The following CTIF variants were observed in gnomAD, a reference collection of about 807,000 sequenced individuals.
CTIF encodes the protein CBP80/20-dependent translation initiation factor.
Under a neutral mutation model 66.0 loss-of-function variants are expected in CTIF, and 21 were observed. That is an observed-to-expected ratio of 0.32 (90% CI 0.23 to 0.46). CTIF has a LOEUF of 0.46. Among genes scored for constraint, CTIF ranks in the 20% least tolerant of loss-of-function variants. The probability of loss-of-function intolerance (pLI) is 1.00; values close to 1 mark genes in which losing one functional copy is unlikely to be tolerated. For missense variants in CTIF, 739 were observed against 812.7 expected, an observed-to-expected ratio of 0.91 and a Z score of 1.10; for synonymous variants, 345 against 326.4, an observed-to-expected ratio of 1.06 and a Z score of -0.62.
intron 1 of CTIF, chr18:48,564,940 T>C (rs1180129176): frequency 6.6e-6 from 1 of 152,166 alleles, no homozygotes; most frequent in East Asian, 1.9e-4. Flanking sequence ...AACAACTTAA[T>C]GTTATTGAAA....
At chr18:48,707,309 G>A (rs2092169117) in intron 6 of CTIF, among the ~76,000 whole-genome samples, 1 of 152,204 alleles carries the variant, frequency 6.6e-6, no homozygotes, top group Non-Finnish European at 1.5e-5. Flanking sequence ...TCTAAAGCCA[G>A]AATACTATCT....
chr18:48,551,469 C>A (rs1243475526), intron 1 of CTIF, among the ~76,000 whole-genome samples: 2 of 152,164 alleles, frequency 1.3e-5, no homozygotes, highest in Non-Finnish European at 1.5e-5. Flanking sequence ...CTGTTGCTTT[C>A]AGCCACCTGA....
chr18:48,770,889 T>TG (rs1307280687), intron 9 of CTIF, among the ~76,000 whole-genome samples: 2 of 152,194 alleles, frequency 1.3e-5, no homozygotes, highest in Admixed American at 6.5e-5. Context: ...TCCATCAGTG[T>TG]GGGTGCCCTG....
At chr18:48,567,758 G>A (rs964158746) in intron 1 of CTIF, 1 of 152,268 alleles carries the variant, frequency 6.6e-6, no homozygotes, top group African/African-American at 2.4e-5. Flanking sequence ...CAGTGGGGTT[G>A]GCAATGAGGG....
intron 9 of CTIF, among the ~76,000 whole-genome samples, chr18:48,768,293 A>T (rs1265961346): frequency 6.6e-6 from 1 of 152,098 alleles, no homozygotes; most frequent in Non-Finnish European, 1.5e-5. Flanking sequence ...ATCCTGGCTG[A>T]GTTATCGGCT....
At chr18:48,721,755 C>CT (rs1196225465) in intron 7 of CTIF, among the ~76,000 whole-genome samples, 507 of 152,016 alleles carry the variant, frequency 3.3e-3, no homozygotes, top group African/African-American at 0.012. Context: ...GTGCATCCCC[C>CT]CCTCTCTGTC....
intron 1 of CTIF, among the ~76,000 whole-genome samples, chr18:48,571,432 A>G (rs1263438143): frequency 6.6e-6 from 1 of 152,226 alleles, no homozygotes; most frequent in East Asian, 1.9e-4. Flanking sequence ...TTGGGATTAC[A>G]GGCGTGAGCC....
chr18:48,781,969 A>G (rs984777274), intron 9 of CTIF, among the ~76,000 whole-genome samples: 1 of 152,152 alleles, frequency 6.6e-6, no homozygotes, highest in Non-Finnish European at 1.5e-5. Flanking sequence ...AAAGAGTTGT[A>G]CTGATTCAAA....
At chr18:48,824,789 C>T (rs773806442) in intron 10 of CTIF, among the ~76,000 whole-genome samples, 11 of 152,092 alleles carry the variant, frequency 7.2e-5, no homozygotes, top group Non-Finnish European at 1.0e-4. Context: ...TACAGACGTC[C>T]GCCACCACGC....
chr18:48,603,151 T>TGGATGGAG (rs2090128958), intron 1 of CTIF, among the ~76,000 whole-genome samples: 1 of 143,014 alleles, frequency 7.0e-6, no homozygotes, highest in African/African-American at 2.7e-5. Context: ...GATGGATGGA[T>TGGATGGAG]GGATGGATGG....
At chr18:48,695,438 T>C (rs1303321693) in intron 6 of CTIF, among the ~76,000 whole-genome samples, 11 of 152,208 alleles carry the variant, frequency 7.2e-5, no homozygotes, top group Admixed American at 7.2e-4. Context: ...CCGTCAGTGC[T>C]GGGTCTCATG....
At position 48,860,581 on chromosome 18, in the gene CTIF, A is replaced by G. The variant is rs1432052150; in HGVS notation, c.*1022A>G. On this transcript the variant is annotated 3_prime_UTR_variant, in exon 12 of 12. Coordinates refer to ENST00000256413, the MANE Select transcript of CTIF (RefSeq NM_014772.3). ...GTCCTGGCCCCAGGGGCCTTGTGGC[A>G]AACAGGGCACAGAACGAGACTGGCA... 6.5e-6 allele frequency: 1 copy of G among 153,004 alleles called. No homozygotes were observed. The highest frequency in any genetic ancestry group is 1.5e-5 in the Non-Finnish European group (1 of 68,634). 9.5% of individuals were successfully genotyped at this position (153,004 alleles called of 1,614,324 possible).
At chr18:48,569,854 C>G (rs1340257449) in intron 1 of CTIF, among the ~76,000 whole-genome samples, 1 of 152,234 alleles carries the variant, frequency 6.6e-6, no homozygotes, top group African/African-American at 2.4e-5. Flanking sequence ...CATACCCCTC[C>G]TGCTGTCCTA....
At chr18:48,839,244 T>C (rs1278726043) in intron 10 of CTIF, among the ~76,000 whole-genome samples, 1 of 152,194 alleles carries the variant, frequency 6.6e-6, no homozygotes, top group Non-Finnish European at 1.5e-5. Context: ...TGAGCACTCC[T>C]GACTCACTTT....
intron 1 of CTIF, among the ~76,000 whole-genome samples, chr18:48,582,005 C>A (rs191035866): frequency 1.2e-3 from 185 of 151,928 alleles, no homozygotes; most frequent in African/African-American, 3.9e-3. Context: ...GGAGAGGGAC[C>A]CTTATTGGAC....
chr18:48,812,800 A>AGTAAAACTGGGGCAGGGCAAG (rs1321002472), intron 9 of CTIF, among the ~76,000 whole-genome samples: 3 of 152,076 alleles, frequency 2.0e-5, no homozygotes, highest in Non-Finnish European at 4.4e-5. Flanking sequence ...TATTCCGCTA[A>AGTAAAACTGGGGCAGGGCAAG]GTAAAACTGG....
chr18:48,637,809 G>A (rs2144639108), intron 3 of CTIF, among the ~76,000 whole-genome samples: 1 of 152,230 alleles, frequency 6.6e-6, no homozygotes, highest in Middle Eastern at 3.4e-3. Flanking sequence ...CCCGGGGGTG[G>A]GGGGTGATGG....
rs1356701124 is a variant in CTIF at position 48,761,409 on chromosome 18, C to A, written c.1091C>A (p.Thr364Lys). Residue 364 changes from threonine to lysine, a missense_variant, in exon 9 of 12, where the codon ACG becomes AAG. Physicochemically the swap from Thr to Lys is moderately conservative, Grantham distance 78 (BLOSUM62 -1). Coordinates refer to ENST00000256413, the MANE Select transcript of CTIF (RefSeq NM_014772.3). The surrounding 1 kb of genome is among the most constrained non-coding windows in gnomAD (Gnocchi z 4.2). ...LKEKDEVAVE[T>K]TTPQQNKMDK... ...CCCCAGGATGAAGTGGCCGTGGAGA[C>A]GACCACTCCCCAGCAGAACAAGATG... 1.2e-6 allele frequency: 2 copies of A among 1,613,278 alleles called. No individual in the cohort carries two copies. The highest frequency in any genetic ancestry group is 2.2e-5 in the East Asian group (1 of 44,876).
intron 7 of CTIF, among the ~76,000 whole-genome samples, chr18:48,749,706 CTAAGGCACAGAGCAGT>C (rs1396290703): frequency 6.6e-6 from 1 of 152,238 alleles, no homozygotes; most frequent in East Asian, 1.9e-4. Flanking sequence ...GGGGAAGAAG[CTAAGGCACAGAGCAGT>C]TAAGGAACTT....
Sources: gnomAD v4.1 joint callset for allele counts (sites outside exome capture counted in the v4.1 genomes callset) on GRCh38, gnomAD v4.1.1 for gene constraint, Gnocchi (gnomAD v3.1) non-coding constraint, MANE v1.5 for transcripts, NCBI Gene and HGNC (gene_info 2026-07-23, HGNC 2026-07-21) for gene names.